CHD9: variants seen among roughly 807,000 people sequenced by gnomAD.
CHD9 encodes ATP-dependent chromatin remodeler CHD9.
In CHD9, 77 loss-of-function variants were observed where a neutral mutation model predicts 316.1. The observed-to-expected ratio is 0.24, with a 90% CI of 0.20 to 0.29. CHD9 has a LOEUF of 0.29. CHD9 is among the 10% of genes least tolerant of loss of function. The probability of loss-of-function intolerance (pLI) is 1.00; values close to 1 mark genes in which losing one functional copy is unlikely to be tolerated. For missense variants in CHD9, 2,763 were observed against 3,438.1 expected (o/e 0.80, Z 4.91); for synonymous variants, 1,129 against 1,158.3 (o/e 0.97, Z 0.51).
rs538890924 is a variant in CHD9, at chr16:53,110,756, T to A, written c.-164-45170T>A. Among the ~76,000 whole-genome samples, 15 of 152,312 alleles carry A rather than the reference T, an allele frequency of 9.8e-5. No individual in the cohort carries two copies. In the East Asian group the frequency reaches 1.9e-3, roughly 20 times the overall value. On this transcript the variant is annotated intron_variant, in intron 1 of 38. Transcript: ENST00000447540. Reference sequence around the variant, plus strand: ...CAGCCTGGGTGATGGTGAGACTCCATCTCAAAAAATAAAAATGTTAATAAA... The same window carrying A: ...CAGCCTGGGTGATGGTGAGACTCCAACTCAAAAAATAAAAATGTTAATAAA...
At chr16:53,064,489 G>T (rs1474159161) in intron 1 of CHD9, among the ~76,000 whole-genome samples, 1 of 152,170 alleles carries the variant, frequency 6.6e-6, no homozygotes, top group Non-Finnish European at 1.5e-5. Context: ...ACATCAAAAA[G>T]GGGGGCCAGC....
intron 1 of CHD9, among the ~76,000 whole-genome samples, chr16:53,105,159 T>C (rs922126609): frequency 5.3e-5 from 8 of 152,056 alleles, no homozygotes; most frequent in African/African-American, 1.7e-4. Flanking sequence ...AAATATTAAG[T>C]TTATTTATTT....
intron 37 of CHD9, among the ~76,000 whole-genome samples, chr16:53,320,846 T>C (rs551467825): frequency 1.3e-5 from 2 of 152,324 alleles, no homozygotes; most frequent in East Asian, 3.9e-4. Context: ...GGTGTCAATA[T>C]ATATAATCGA....
chr16:53,168,305 C>T (rs994327767), intron 2 of CHD9, among the ~76,000 whole-genome samples: 1 of 152,094 alleles, frequency 6.6e-6, no homozygotes, highest in Admixed American at 6.5e-5. Context: ...TCAGGGGATC[C>T]ACCTGCTTTG....
Position 53,306,319 on chromosome 16 carries a change from T to G in CHD9, c.6702T>G (p.Phe2234Leu), listed in dbSNP as rs749800856. 1 of 1,612,042 alleles carries G rather than the reference T, an allele frequency of 6.2e-7. No individual in the cohort carries two copies. The highest frequency in any genetic ancestry group is 8.5e-7 in the Non-Finnish European group (1 of 1,179,048). The change falls in exon 32 of 39, where the codon TTT becomes TTG. Residue 2234 changes from phenylalanine to leucine, a missense_variant. Physicochemically the swap from Phe to Leu is conservative, Grantham distance 22. Coordinates refer to ENST00000447540, the MANE Select transcript of CHD9 (RefSeq NM_001308319.2). ...CCCAGGATGAGACTCAGGATAGTTT[T>G]CAGATGAACAATGGGACACCAGAGT... ...STTQDETQDSFQMNNGTPESA... is the reference protein window; with the variant it reads ...STTQDETQDSLQMNNGTPESA...
chr16:53,247,588 T>C (rs1244301108), intron 16 of CHD9, 85 bp downstream of exon 16: 16 of 880,204 alleles, frequency 1.8e-5, no homozygotes, highest in Non-Finnish European at 2.8e-5. Context: ...TGAACTTTAC[T>C]CATATCTTTC....
Position 53,304,039 on chromosome 16 carries a change from T to C in CHD9, c.6033T>C (p.Thr2011=). ...YSQSKMAHSR[T]STPLLQQYQV... is the part of the protein sequence containing the mutation. ...AAAGTAAGATGGCTCATTCAAGGAC[T>C]TCTACCCCACTTCTACAGCAATATC... Residue 2011 remains threonine (T), a synonymous_variant, in exon 31 of 39, where the codon ACT becomes ACC. Coordinates refer to ENST00000447540, the MANE Select transcript of CHD9 (RefSeq NM_001308319.2). 6.2e-7 allele frequency: 1 copy of C among 1,614,024 alleles called. No homozygotes were observed. The highest frequency in any genetic ancestry group is 2.2e-5 in the East Asian group (1 of 44,892).
intron 3 of CHD9, among the ~76,000 whole-genome samples, chr16:53,211,980 A>G (rs563032007): frequency 1.3e-5 from 2 of 152,330 alleles, no homozygotes; most frequent in South Asian, 2.1e-4. Flanking sequence ...ATAATTAAAC[A>G]TCTCATTTAA....
chr16:53,162,497 G>T (rs544336647), intron 2 of CHD9, among the ~76,000 whole-genome samples: 58 of 142,578 alleles, frequency 4.1e-4, no homozygotes, highest in African/African-American at 1.5e-3. Context: ...GAAATAACAT[G>T]TGGAGCACTG....
At chr16:53,302,055 G>A (rs138696180) in intron 30 of CHD9, among the ~76,000 whole-genome samples, 22 of 151,868 alleles carry the variant, frequency 1.4e-4, no homozygotes, top group Non-Finnish European at 2.1e-4. Context: ...GAGCCACTGC[G>A]CCTGGCCCTT....
chr16:53,183,049 C>T (rs904280262), intron 2 of CHD9, among the ~76,000 whole-genome samples: 1 of 152,144 alleles, frequency 6.6e-6, no homozygotes, highest in Non-Finnish European at 1.5e-5. Context: ...TTTCTAAAAG[C>T]TGTTAAAGTC....
intron 12 of CHD9, among the ~76,000 whole-genome samples, chr16:53,242,373 T>G (rs1028138675): frequency 6.6e-6 from 1 of 152,220 alleles, no homozygotes; most frequent in African/African-American, 2.4e-5. Context: ...CTGCTATATC[T>G]CCAGCAACTA....
chr16:53,086,449 C>A (rs1239156274), intron 1 of CHD9, among the ~76,000 whole-genome samples: 1 of 152,150 alleles, frequency 6.6e-6, no homozygotes, highest in African/African-American at 2.4e-5. Flanking sequence ...TGCCTGTCAG[C>A]CCCTGCCAAA....
chr16:53,234,799 C>G (rs2048481848), intron 10 of CHD9, among the ~76,000 whole-genome samples: 1 of 143,134 alleles, frequency 7.0e-6, no homozygotes, highest in Non-Finnish European at 1.5e-5. Context: ...TTAAACCCAC[C>G]TTCCATTCCT....
At chr16:53,169,573 A>C (rs960243342) in intron 2 of CHD9, 1 of 152,214 alleles carries the variant, frequency 6.6e-6, no homozygotes, top group African/African-American at 2.4e-5. Context: ...ACATATATTC[A>C]CTAATTGTTA....
intron 12 of CHD9, among the ~76,000 whole-genome samples, chr16:53,241,301 C>A (rs2049062054): frequency 6.6e-6 from 1 of 152,174 alleles, no homozygotes; most frequent in Admixed American, 6.5e-5. Flanking sequence ...CTCAAGCCCC[C>A]TTTATTGGTT....
rs1399446550 is a variant in CHD9 at position 53,267,344 on chromosome 16, T to C, written c.4371T>C (p.Phe1457=). The part of the protein sequence containing the change: ...TPRIRKQTRP[F]SATKDELAEL... ...GAATTAGGAAGCAAACAAGACCTTTTAGTGCCACAAAAGATGAATTGGCTG... is the reference window on the plus strand; with the variant it reads ...GAATTAGGAAGCAAACAAGACCTTTCAGTGCCACAAAAGATGAATTGGCTG... The change falls in exon 21 of 39, where the codon TTT becomes TTC. Residue 1457 remains phenylalanine (F), a synonymous_variant. Transcript: ENST00000447540. 1 of 1,612,574 alleles carries C rather than the reference T, an allele frequency of 6.2e-7. No homozygotes were observed. The highest frequency in any genetic ancestry group is 1.7e-5 in the Admixed American group (1 of 59,810).
At position 53,120,118 on chromosome 16, in the gene CHD9, G is replaced by A. The variant is rs1221652583; in HGVS notation, c.-164-35808G>A. Among the ~76,000 whole-genome samples, 3 of 152,032 alleles carry A rather than the reference G, an allele frequency of 2.0e-5. 1 individual carries two copies. The highest frequency in any genetic ancestry group is 7.2e-5 in the African/African-American group (3 of 41,394). ...CATGGTGGCAATGCCTGTAGTCCCA[G>A]CTATTCAGTAGGCTGAGGTAAGAGG... On this transcript the variant is annotated intron_variant, in intron 1 of 38. Coordinates refer to ENST00000447540, the MANE Select transcript of CHD9 (RefSeq NM_001308319.2).
rs575190937 is a variant in CHD9, at chr16:53,096,870, T to G, written c.-165+41793T>G. 7.2e-5 allele frequency among the ~76,000 whole-genome samples: 11 copies of G among 152,200 alleles called. No homozygotes were observed. The South Asian group carries it at 2.1e-3, about 29-fold the overall frequency. ...CCAAGGTGTCGCATGGTGAGGGGGC[T>G]GAGTGTGCTAACATGTTAGCTCAGG... On this transcript the variant is annotated intron_variant, in intron 1 of 38. Transcript: ENST00000447540.
Sources: gnomAD v4.1 joint callset for allele counts (sites outside exome capture counted in the v4.1 genomes callset) on GRCh38, gnomAD v4.1.1 for gene constraint, MANE v1.5 for transcripts, NCBI Gene and HGNC (gene_info 2026-07-23, HGNC 2026-07-21) for gene names.